The following SLC35F4 variants were observed in gnomAD, a reference collection of about 807,000 sequenced individuals.
The protein encoded by SLC35F4 is chromosome 14 open reading frame 36.
In SLC35F4, 24 loss-of-function variants were observed where a neutral mutation model predicts 44.2. The ratio of observed to expected loss-of-function variants is 0.54; its 90% CI spans 0.39 to 0.76. The LOEUF is 0.76. Among genes scored for constraint, SLC35F4 ranks in the 30% least tolerant of loss-of-function variants. The probability of loss-of-function intolerance (pLI) is 0.00; values close to 1 mark genes in which losing one functional copy is unlikely to be tolerated. For missense variants in SLC35F4, 562 were observed against 586.1 expected (o/e 0.96, Z 0.42); for synonymous variants, 238 against 223.6 (o/e 1.06, Z -0.57).
intron 1 of SLC35F4, among the ~76,000 whole-genome samples, chr14:57,759,880 G>GTTTT (rs60160945): frequency 3.7e-4 from 52 of 140,516 alleles, no homozygotes; most frequent in African/African-American, 1.3e-3. Flanking sequence ...TTCTTTGCTT[G>GTTTT]TTTTTTTTTT....
At chr14:57,577,461 A>G (rs1345004628) in intron 4 of SLC35F4, among the ~76,000 whole-genome samples, 2 of 152,180 alleles carry the variant, frequency 1.3e-5, no homozygotes, top group African/African-American at 4.8e-5. Context: ...TCCACCAACC[A>G]CCAACATTCT....
intron 3 of SLC35F4, among the ~76,000 whole-genome samples, chr14:57,583,040 T>C (rs954267927): frequency 2.0e-5 from 3 of 152,236 alleles, no homozygotes; most frequent in African/African-American, 7.2e-5. Flanking sequence ...TTTACTTTCA[T>C]GTAAGGAGGC....
At chr14:57,920,211 G>A (rs913675621) in intron 1 of SLC35F4, among the ~76,000 whole-genome samples, 6 of 152,136 alleles carry the variant, frequency 3.9e-5, no homozygotes, top group African/African-American at 7.2e-5. Context: ...TTTACTCTGC[G>A]TTGCCTTTGG....
intron 1 of SLC35F4, among the ~76,000 whole-genome samples, chr14:57,632,549 A>G (rs1044337772): frequency 1.1e-4 from 17 of 152,042 alleles, no homozygotes; most frequent in African/African-American, 3.9e-4. Context: ...TATTTCCCAT[A>G]TAATTCCTGC....
chr14:57,946,459 G>A (rs12717454), intron 1 of SLC35F4, among the ~76,000 whole-genome samples: 1 of 122,532 alleles, frequency 8.2e-6, no homozygotes, highest in South Asian at 2.5e-4. Flanking sequence ...GTTTTGTTTT[G>A]TTTTCTTTTC....
At chr14:57,659,999 C>T (rs1468131779) in intron 1 of SLC35F4, among the ~76,000 whole-genome samples, 1 of 152,142 alleles carries the variant, frequency 6.6e-6, no homozygotes, top group Non-Finnish European at 1.5e-5. Context: ...CCCAAATCAA[C>T]AAGAGACAGG....
upstream of SLC35F4, among the ~76,000 whole-genome samples, chr14:57,866,350 C>A (rs190205246): frequency 6.9e-4 from 105 of 152,232 alleles, no homozygotes; most frequent in Non-Finnish European, 1.3e-3. Flanking sequence ...TTAACTCTGT[C>A]GCTCGGGGAG....
chr14:57,721,290 A>G (rs1241475059), intron 1 of SLC35F4, among the ~76,000 whole-genome samples: 3 of 151,732 alleles, frequency 2.0e-5, no homozygotes. Context: ...TGCATTTGAC[A>G]CTCCTGATTT....
intron 1 of SLC35F4, among the ~76,000 whole-genome samples, chr14:57,825,378 C>T (rs1470386080): frequency 6.6e-6 from 1 of 152,098 alleles, no homozygotes; most frequent in Non-Finnish European, 1.5e-5. Flanking sequence ...GACTTAAATG[C>T]TGGTATGACT....
At chr14:57,949,539 G>C (rs2141079276) in intron 1 of SLC35F4, among the ~76,000 whole-genome samples, 1 of 152,262 alleles carries the variant, frequency 6.6e-6, no homozygotes, top group Middle Eastern at 3.4e-3. Context: ...TCAATATTGA[G>C]ATGTGAGGTA....
chr14:57,948,111 C>A (rs1289496472), intron 1 of SLC35F4, among the ~76,000 whole-genome samples: 1 of 152,014 alleles, frequency 6.6e-6, no homozygotes, highest in African/African-American at 2.4e-5. Flanking sequence ...GCAGGATTGG[C>A]GTAAATTCTT....
chr14:57,744,203 A>G (rs995102143), intron 1 of SLC35F4, among the ~76,000 whole-genome samples: 7 of 152,198 alleles, frequency 4.6e-5, no homozygotes, highest in Non-Finnish European at 7.3e-5. Context: ...CCTATTCAAC[A>G]TAGTGTTGGA....
chr14:57,703,216 C>T (rs1296098024), intron 1 of SLC35F4, among the ~76,000 whole-genome samples: 1 of 152,136 alleles, frequency 6.6e-6, no homozygotes, highest in Non-Finnish European at 1.5e-5. Context: ...TGAGATAGAG[C>T]AAATGCAAGC....
chr14:57,655,815 C>G (rs1306892643), intron 1 of SLC35F4, among the ~76,000 whole-genome samples: 2 of 152,168 alleles, frequency 1.3e-5, no homozygotes, highest in Admixed American at 6.5e-5. Context: ...CCAACAGTGT[C>G]ATTTCTCATT....
intron 1 of SLC35F4, among the ~76,000 whole-genome samples, chr14:57,602,763 A>G (rs1188944068): frequency 6.6e-6 from 1 of 152,174 alleles, no homozygotes; most frequent in African/African-American, 2.4e-5. Flanking sequence ...ATACTAAAGA[A>G]GTGGTTGGGA....
chr14:57,896,990 A>C (rs1888887164), intron 1 of SLC35F4, among the ~76,000 whole-genome samples: 2 of 151,854 alleles, frequency 1.3e-5, no homozygotes, highest in Non-Finnish European at 2.9e-5. Context: ...GTTATCTGGA[A>C]GATAAACTAT....
intron 1 of SLC35F4, among the ~76,000 whole-genome samples, chr14:57,689,822 C>A (rs1259238684): frequency 6.6e-6 from 1 of 151,834 alleles, no homozygotes; most frequent in Non-Finnish European, 1.5e-5. Context: ...ACCAATATGG[C>A]ACACGTATAC....
chr14:57,786,175 C>G (rs2077752565), intron 1 of SLC35F4, among the ~76,000 whole-genome samples: 1 of 152,094 alleles, frequency 6.6e-6, no homozygotes, highest in Non-Finnish European at 1.5e-5. Flanking sequence ...ACCTGCATGA[C>G]TCAGCAGAGG....
At chr14:57,570,033 A>T (rs1284890105) in intron 5 of SLC35F4, 53 bp from the exon 6 acceptor site, 1 of 1,498,710 alleles carries the variant, frequency 6.7e-7, no homozygotes, top group Non-Finnish European at 8.9e-7. Flanking sequence ...CAGAGCAGAA[A>T]CGTAAGTCTT....
Sources: gnomAD v4.1 joint callset for allele counts (sites outside exome capture counted in the v4.1 genomes callset) on GRCh38, gnomAD v4.1.1 for gene constraint, MANE v1.5 for transcripts, NCBI Gene and HGNC (gene_info 2026-07-23, HGNC 2026-07-21) for gene names.